The following ADGRL2 variants were observed in gnomAD, a reference collection of about 807,000 sequenced individuals.
ADGRL2 encodes calcium-independent alpha-latrotoxin receptor 2.
A neutral mutation model predicts 157.4 loss-of-function variants in ADGRL2; 44 were observed. The observed-to-expected ratio is 0.28, with a 90% CI of 0.22 to 0.36. The LOEUF is 0.36. ADGRL2 is among the 10% of genes least tolerant of loss of function. The probability of loss-of-function intolerance (pLI) is 1.00; values close to 1 mark genes in which losing one functional copy is unlikely to be tolerated. For missense variants in ADGRL2, 1,510 were observed against 1,768.9 expected (o/e 0.85, Z 2.63); for synonymous variants, 585 against 624.7 (o/e 0.94, Z 0.95).
rs141876075 is a variant in ADGRL2 at position 81,837,007 on chromosome 1, T to A, written c.23T>A (p.Met8Lys). The A allele has an allele frequency of 9.4e-6, 15 of 1,593,846 alleles. No individual in the cohort carries two copies. Residue 8 changes from methionine to lysine, a missense_variant, in exon 2 of 24, where the codon ATG becomes AAG. Coordinates refer to ENST00000686636, the MANE Select transcript of ADGRL2 (RefSeq NM_001366006.2). ...ATAATGGTGTCTTCTGGTTGCAGAA[T>A]GCGAAGTCTGTGGTTTATCATTGTA... MVSSGCRMRSLWFIIVIS... is the reference protein window; with the variant it reads MVSSGCRKRSLWFIIVIS...
At position 81,367,018 on chromosome 1, in the gene ADGRL2, C is replaced by G. The variant is rs999894701; in HGVS notation, c.-302+60509C>G. Among the ~76,000 whole-genome samples, 152 of 152,290 alleles carry G rather than the reference C, an allele frequency of 1.0e-3. 1 individual carries two copies. Among genetic ancestry groups the G allele is most frequent in the African/African-American group, 3.4e-3 (141 of 41,562 alleles). On this transcript the variant is annotated intron_variant, in intron 1 of 24. Coordinates refer to the ADGRL2 transcript ENST00000370721. ...AATTCTAGTACCATTAACTTTCTCTCAAGCTCAAGACCCATATAGTCCACT... is the reference window on the plus strand; with the variant it reads ...AATTCTAGTACCATTAACTTTCTCTGAAGCTCAAGACCCATATAGTCCACT...
intron 4 of ADGRL2, among the ~76,000 whole-genome samples, chr1:81,941,740 G>A (rs1408919745): frequency 6.6e-6 from 1 of 151,762 alleles, no homozygotes; most frequent in Non-Finnish European, 1.5e-5. Flanking sequence ...TTAGTGAAGA[G>A]TTTCATTATT....
intron 2 of ADGRL2, among the ~76,000 whole-genome samples, chr1:81,549,872 C>T (rs897124975): frequency 6.6e-6 from 1 of 152,168 alleles, no homozygotes; most frequent in African/African-American, 2.4e-5. Flanking sequence ...CTGTTAATCC[C>T]TGCCTTCTAT....
chr1:81,687,558 A>C (rs1023434855), intron 3 of ADGRL2, among the ~76,000 whole-genome samples: 1 of 152,170 alleles, frequency 6.6e-6, no homozygotes, highest in Non-Finnish European at 1.5e-5. Context: ...AGTCTCCTGA[A>C]GGCATCAGAT....
chr1:81,706,037 A>G (rs997548400), intron 1 of ADGRL2, among the ~76,000 whole-genome samples: 1 of 152,022 alleles, frequency 6.6e-6, no homozygotes, highest in African/African-American at 2.4e-5. Context: ...AGTCTCTACT[A>G]AAAATACAAA....
At chr1:81,309,682 T>C (rs1659604730) in intron 1 of ADGRL2, among the ~76,000 whole-genome samples, 1 of 152,186 alleles carries the variant, frequency 6.6e-6, no homozygotes, top group Non-Finnish European at 1.5e-5. Flanking sequence ...TTAACGTATG[T>C]CAGGAATGGT....
intron 1 of ADGRL2, among the ~76,000 whole-genome samples, chr1:81,405,410 G>A (rs563758453): frequency 7.2e-5 from 11 of 152,192 alleles, no homozygotes; most frequent in African/African-American, 2.6e-4. Flanking sequence ...GCTCGTGCCT[G>A]TAATCCCAAT....
intron 2 of ADGRL2, among the ~76,000 whole-genome samples, chr1:81,793,649 A>C (rs2087454600): frequency 6.6e-6 from 1 of 152,104 alleles, no homozygotes; most frequent in Non-Finnish European, 1.5e-5. Context: ...CTAAATATTC[A>C]ATCTAGTATC....
intron 1 of ADGRL2, among the ~76,000 whole-genome samples, chr1:81,724,716 T>G (rs1038897985): frequency 5.9e-5 from 9 of 152,246 alleles, no homozygotes; most frequent in African/African-American, 2.2e-4. Context: ...TTGCATACTT[T>G]GCTTATTTGA....
intron 2 of ADGRL2, among the ~76,000 whole-genome samples, chr1:81,899,980 T>A (rs1193492393): frequency 6.6e-6 from 1 of 152,154 alleles, no homozygotes; most frequent in African/African-American, 2.4e-5. Context: ...GGAGAGGCAT[T>A]AAAGTAACAT....
Position 81,750,643 on chromosome 1 carries a change from G to T in ADGRL2, c.-142-11168G>T, listed in dbSNP as rs1160304829. Among the ~76,000 whole-genome samples the T allele has an allele frequency of 2.0e-5, 3 of 152,182 alleles. No individual in the cohort carries two copies. The East Asian group carries it at 5.8e-4, about 29-fold the overall frequency. On this transcript the variant is annotated intron_variant, in intron 1 of 20. Coordinates refer to the ADGRL2 transcript ENST00000359929. ...TGAGGCAGAGAATTGCTTGAACTCA[G>T]GAGGTGGAGGTGGCAGTGAGTCAAG...
chr1:81,792,485 A>G (rs2087396967), intron 2 of ADGRL2, among the ~76,000 whole-genome samples: 1 of 152,216 alleles, frequency 6.6e-6, no homozygotes. Context: ...TATTTTTTAC[A>G]GAATTTAAAT....
At chr1:81,615,750 G>GA (rs1263945227) in intron 3 of ADGRL2, among the ~76,000 whole-genome samples, 1 of 152,112 alleles carries the variant, frequency 6.6e-6, no homozygotes, top group Non-Finnish European at 1.5e-5. Flanking sequence ...GGAGACCACA[G>GA]AAAATCAAAA....
chr1:81,610,222 C>CTTGGAGGTTT (rs1557503857), intron 3 of ADGRL2, among the ~76,000 whole-genome samples: 4 of 127,544 alleles, frequency 3.1e-5, no homozygotes, highest in African/African-American at 1.2e-4. Flanking sequence ...AGGTTAGTGG[C>CTTGGAGGTTT]TTGGAGGTTT....
chr1:81,732,107 G>A (rs1477630691), intron 1 of ADGRL2, among the ~76,000 whole-genome samples: 1 of 152,136 alleles, frequency 6.6e-6, no homozygotes, highest in East Asian at 1.9e-4. Flanking sequence ...TTTTCAAAGG[G>A]AAGTGAGTAG....
At chr1:81,476,121 A>G (rs1285374694) in intron 2 of ADGRL2, among the ~76,000 whole-genome samples, 2 of 151,860 alleles carry the variant, frequency 1.3e-5, no homozygotes, top group African/African-American at 2.4e-5. Flanking sequence ...ACTTAAATAT[A>G]TGGGTAGGAA....
At chr1:81,768,707 A>C (rs2086234608) in intron 2 of ADGRL2, among the ~76,000 whole-genome samples, 1 of 152,040 alleles carries the variant, frequency 6.6e-6, no homozygotes, top group African/African-American at 2.4e-5. Flanking sequence ...TCCCTAGCTC[A>C]AGCAATCCTC....
At chr1:81,774,298 T>C (rs935945352) in intron 2 of ADGRL2, among the ~76,000 whole-genome samples, 1 of 152,246 alleles carries the variant, frequency 6.6e-6, no homozygotes, top group Non-Finnish European at 1.5e-5. Context: ...TTTGTTTTAC[T>C]TGAAATATTC....
At chr1:81,637,016 A>G (rs2082127996) in intron 3 of ADGRL2, among the ~76,000 whole-genome samples, 2 of 152,046 alleles carry the variant, frequency 1.3e-5, no homozygotes, top group South Asian at 4.2e-4. Flanking sequence ...TTGAATTTTT[A>G]GTAGATTTGG....
Sources: allele counts gnomAD v4.1 joint callset (sites outside exome capture counted in the v4.1 genomes callset), GRCh38; gene constraint gnomAD v4.1.1; transcripts MANE v1.5; gene names NCBI Gene and HGNC (gene_info 2026-07-23, HGNC 2026-07-21).